The following TESK2 variants were observed in gnomAD, a reference collection of about 807,000 sequenced individuals.
TESK2 encodes the protein testis associated actin remodelling kinase 2, also known as dual specificity testis-specific protein kinase 2.
A neutral mutation model predicts 57.1 loss-of-function variants in TESK2; 39 were observed. The observed-to-expected ratio is 0.68, with a 90% CI of 0.53 to 0.89. The LOEUF is 0.89. Among genes scored for constraint, TESK2 ranks in the 40% least tolerant of loss-of-function variants. TESK2 has a pLI of 0.00. For synonymous variants in TESK2, 249 were observed against 267.9 expected, an observed-to-expected ratio of 0.93 and a Z score of 0.69; for missense variants, 646 against 732.1, an observed-to-expected ratio of 0.88 and a Z score of 1.36.
At chr1:45,431,413 A>G (rs948885815) in intron 2 of TESK2, among the ~76,000 whole-genome samples, 1 of 151,906 alleles carries the variant, frequency 6.6e-6, no homozygotes, top group Non-Finnish European at 1.5e-5. Context: ...GCGAGAACCT[A>G]TCTAAAAGAA....
chr1:45,347,837 G>T (rs534408472), intron 6 of TESK2, 81 bp downstream of exon 6: 411 of 1,439,844 alleles, frequency 2.9e-4, no homozygotes, highest in Non-Finnish European at 3.8e-4. Context: ...CCAAGTCCTG[G>T]CCTCTGGGGA....
chr1:45,407,465 A>G (rs1247820135), intron 3 of TESK2, among the ~76,000 whole-genome samples: 1 of 151,164 alleles, frequency 6.6e-6, no homozygotes, highest in African/African-American at 2.4e-5. Flanking sequence ...CCCTTTTTTC[A>G]TTTGCTTAGT....
chr1:45,351,777 C>T (rs1355422875), intron 5 of TESK2, among the ~76,000 whole-genome samples: 1 of 152,142 alleles, frequency 6.6e-6, no homozygotes, highest in Non-Finnish European at 1.5e-5. Flanking sequence ...CTGGAGCAGG[C>T]GTTTTGGCCT....
chr1:45,478,142 T>C (rs954609467), intron 1 of TESK2, among the ~76,000 whole-genome samples: 2 of 152,192 alleles, frequency 1.3e-5, no homozygotes, highest in East Asian at 1.9e-4. Context: ...ACTCCAAACA[T>C]AGAGAATTGC....
intron 3 of TESK2, among the ~76,000 whole-genome samples, chr1:45,394,395 C>T (rs1210782699): frequency 6.7e-6 from 1 of 148,290 alleles, no homozygotes; most frequent in Non-Finnish European, 1.5e-5. Context: ...AAGTTCCTGG[C>T]CTCAAGTGAT....
chr1:45,416,596 A>G (rs1650252382), intron 3 of TESK2, among the ~76,000 whole-genome samples: 1 of 152,178 alleles, frequency 6.6e-6, no homozygotes. Context: ...TTCCTGGATC[A>G]TATAGCAGTT....
intron 3 of TESK2, among the ~76,000 whole-genome samples, chr1:45,388,443 G>A (rs1048934048): frequency 2.0e-5 from 3 of 152,140 alleles, no homozygotes; most frequent in Admixed American, 1.3e-4. Flanking sequence ...ACTATGATGG[G>A]TACTAGCAGG....
chr1:45,451,298 T>G (rs551370986), intron 2 of TESK2, among the ~76,000 whole-genome samples: 1 of 152,330 alleles, frequency 6.6e-6, no homozygotes, highest in Admixed American at 6.5e-5. Context: ...CCTGTGCCCT[T>G]TTCATGCTGT....
chr1:45,398,207 C>T (rs1649443467), intron 3 of TESK2, among the ~76,000 whole-genome samples: 1 of 152,094 alleles, frequency 6.6e-6, no homozygotes, highest in Admixed American at 6.5e-5. Context: ...CTGTGCCTGG[C>T]CTGTCACTGA....
chr1:45,388,687 T>C (rs1648997422), intron 3 of TESK2, among the ~76,000 whole-genome samples: 1 of 151,684 alleles, frequency 6.6e-6, no homozygotes, highest in Non-Finnish European at 1.5e-5. Context: ...TGAAACTTAA[T>C]TCCCAACGTG....
chr1:45,378,928 T>G (rs1275398528), intron 4 of TESK2, among the ~76,000 whole-genome samples: 1 of 152,198 alleles, frequency 6.6e-6, no homozygotes, highest in African/African-American at 2.4e-5. Context: ...CTGGTGTGTC[T>G]CTAAACTACC....
intron 4 of TESK2, among the ~76,000 whole-genome samples, chr1:45,379,085 A>C (rs1409311005): frequency 6.6e-6 from 1 of 152,194 alleles, no homozygotes; most frequent in Non-Finnish European, 1.5e-5. Context: ...GAAACACACA[A>C]AAAAATAAGA....
intron 2 of TESK2, among the ~76,000 whole-genome samples, chr1:45,445,053 C>T (rs949422980): frequency 1.3e-5 from 2 of 152,112 alleles, no homozygotes; most frequent in African/African-American, 2.4e-5. Flanking sequence ...GAGTATTTTT[C>T]GGACCTTGCA....
intron 4 of TESK2, among the ~76,000 whole-genome samples, chr1:45,381,860 C>CTTTTTTTTTTT (rs748886310): frequency 2.2e-5 from 2 of 91,920 alleles, no homozygotes; most frequent in Admixed American, 1.1e-4. Flanking sequence ...CATTCCTATT[C>CTTTTTTTTTTT]TTTTTTTTTT....
chr1:45,462,881 T>C (rs1652391916), intron 1 of TESK2, among the ~76,000 whole-genome samples: 1 of 152,216 alleles, frequency 6.6e-6, no homozygotes, highest in African/African-American at 2.4e-5. Flanking sequence ...TTCCCTCTTC[T>C]CCACATCTTG....
chr1:45,454,093 G>A (rs1431003147), intron 2 of TESK2, among the ~76,000 whole-genome samples: 2 of 152,092 alleles, frequency 1.3e-5, no homozygotes, highest in Non-Finnish European at 2.9e-5. Context: ...CAACCACTAC[G>A]GAAAACAGTC....
intron 5 of TESK2, among the ~76,000 whole-genome samples, chr1:45,354,921 C>T (rs1647358891): frequency 6.9e-6 from 1 of 144,152 alleles, no homozygotes; most frequent in Non-Finnish European, 1.5e-5. Context: ...CAGTGACTCA[C>T]GCCTGTAATC....
At position 45,459,515 on chromosome 1, in the gene TESK2, C is replaced by T. The variant is rs1652251025; in HGVS notation, c.-86-1644G>A. Among the ~76,000 whole-genome samples, 3 of 152,104 alleles carry T rather than the reference C, an allele frequency of 2.0e-5. No homozygotes were observed. In the South Asian group the frequency reaches 6.2e-4, roughly 32 times the overall value. On this transcript the variant is annotated intron_variant, in intron 1 of 10. Coordinates refer to ENST00000372086, the MANE Select transcript of TESK2 (RefSeq NM_007170.3). ...CTATGCCAAAAAGTGGCATCAGCAC[C>T]ACCAGACCAAATACTTACATCCACA...
At chr1:45,408,572 TA>T (rs1189653077) in intron 3 of TESK2, among the ~76,000 whole-genome samples, 2 of 152,234 alleles carry the variant, frequency 1.3e-5, no homozygotes, top group African/African-American at 4.8e-5. Flanking sequence ...ATGGCTCATA[TA>T]AAAAATGTTT....
Sources: allele counts gnomAD v4.1 joint callset (sites outside exome capture counted in the v4.1 genomes callset), GRCh38; gene constraint gnomAD v4.1.1; transcripts MANE v1.5; gene names NCBI Gene and HGNC (gene_info 2026-07-23, HGNC 2026-07-21).